The following GINM1 variants were observed in gnomAD, a reference collection of about 807,000 sequenced individuals.
GINM1 encodes the protein glycoprotein integral membrane protein 1.
Under a neutral mutation model 37.8 loss-of-function variants are expected in GINM1, and 29 were observed. The observed-to-expected ratio is 0.77, with a 90% confidence interval of 0.57 to 1.05. The LOEUF is 1.05. Among genes scored for constraint, GINM1 ranks in the 50% least tolerant of loss-of-function variants. The pLI is 0.00. For synonymous variants in GINM1, 143 were observed against 146.2 expected (o/e 0.98, Z 0.16); for missense variants, 377 against 397.9 (o/e 0.95, Z 0.45).
intron 1 of GINM1, among the ~76,000 whole-genome samples, chr6:149,567,336 A>G (rs910930264): frequency 6.6e-6 from 1 of 152,182 alleles, no homozygotes; most frequent in Non-Finnish European, 1.5e-5. Flanking sequence ...GAATATTTTA[A>G]AGAGCAAGTG....
intron 3 of GINM1, among the ~76,000 whole-genome samples, chr6:149,575,218 G>C (rs1481519075): frequency 1.3e-5 from 2 of 152,110 alleles, no homozygotes; most frequent in Non-Finnish European, 2.9e-5. Context: ...TCACACACAT[G>C]CATTGTGCCC....
chr6:149,570,148 ATATATATATATATATATAT>A (rs2115054720), intron 1 of GINM1, among the ~76,000 whole-genome samples: 1 of 14,576 alleles, frequency 6.9e-5, no homozygotes, highest in East Asian at 1.2e-3. Flanking sequence ...ATATATATAT[ATATATATATATATATATAT>A]ATATATATAT....
chr6:149,580,691 C>A lies in GINM1; in HGVS notation c.685C>A (p.Pro229Thr). 1 of 1,613,896 alleles carries A rather than the reference C, an allele frequency of 6.2e-7. No homozygotes were observed. Among genetic ancestry groups the A allele is most frequent in the Middle Eastern group, 1.6e-4 (1 of 6,062 alleles). ...DVLPGKLPET[P>T]LRAEPPSSYK... Reference sequence around the variant, plus strand: ...TTTACCTGGCAAGTTACCTGAAACTCCTCTCAGAGCAGAGCCGCCATCTTC... The same window carrying A: ...TTTACCTGGCAAGTTACCTGAAACTACTCTCAGAGCAGAGCCGCCATCTTC... The change falls in exon 6 of 8, where the codon CCT (proline) becomes ACT (threonine). Residue 229 changes from proline (P) to threonine (T), a missense_variant. Transcript: ENST00000367419.
At chr6:149,574,868 A>C (rs540222322) in intron 3 of GINM1, among the ~76,000 whole-genome samples, 1 of 152,230 alleles carries the variant, frequency 6.6e-6, no homozygotes, top group Non-Finnish European at 1.5e-5. Flanking sequence ...ACCCTGTCTC[A>C]AAAAATGAAT....
chr6:149,590,624 C>T, intron 7 of GINM1, 103 bp from the exon 8 acceptor site: 1 of 622,994 alleles, frequency 1.6e-6, no homozygotes, highest in Non-Finnish European at 2.8e-6. Context: ...AAGCACCTAA[C>T]CTTAGGTGTA....
intron 1 of GINM1, among the ~76,000 whole-genome samples, chr6:149,569,303 T>C (rs779352489): frequency 4.7e-5 from 7 of 150,006 alleles, no homozygotes; most frequent in Non-Finnish European, 8.9e-5. Flanking sequence ...TCCAAAGTGC[T>C]GGGATTACAG....
intron 1 of GINM1, among the ~76,000 whole-genome samples, chr6:149,569,865 CTT>C (rs1294458037): frequency 6.6e-6 from 1 of 151,740 alleles, no homozygotes; most frequent in South Asian, 2.1e-4. Context: ...TAGGGAGAAA[CTT>C]TTCAGTGTCC....
intron 4 of GINM1, among the ~76,000 whole-genome samples, chr6:149,579,232 A>G (rs1463576217): frequency 2.0e-5 from 3 of 152,244 alleles, no homozygotes; most frequent in Non-Finnish European, 4.4e-5. Flanking sequence ...AAGAGATTCA[A>G]TTTGGCTCAT....
At chr6:149,582,104 T>C (rs1485479527) in intron 6 of GINM1, 1 of 480,548 alleles carries the variant, frequency 2.1e-6, no homozygotes, top group Non-Finnish European at 4.3e-6. Context: ...TATAATGGAC[T>C]AGCCTAACGA....
At chr6:149,574,047 ATTTTTTTT>A (rs35023561) in intron 3 of GINM1, among the ~76,000 whole-genome samples, 1 of 129,340 alleles carries the variant, frequency 7.7e-6, no homozygotes, top group African/African-American at 3.0e-5. Flanking sequence ...TATACATAGG[ATTTTTTTT>A]TTTTTTTTTT....
At chr6:149,568,813 A>G (rs900503794) in intron 1 of GINM1, among the ~76,000 whole-genome samples, 4 of 152,116 alleles carry the variant, frequency 2.6e-5, no homozygotes, top group African/African-American at 4.8e-5. Context: ...AAGATTGCAC[A>G]TAAGATTGAA....
chr6:149,578,494 C>G (rs1472999448), intron 3 of GINM1, among the ~76,000 whole-genome samples: 1 of 143,428 alleles, frequency 7.0e-6, no homozygotes, highest in Non-Finnish European at 1.5e-5. Context: ...CCACTGCACT[C>G]CAGCCTGGGC....
At chr6:149,588,178 A>G (rs1316813737) in intron 7 of GINM1, among the ~76,000 whole-genome samples, 1 of 152,236 alleles carries the variant, frequency 6.6e-6, no homozygotes, top group Non-Finnish European at 1.5e-5. Flanking sequence ...AAGTAATTGT[A>G]TTAACTCCTT....
intron 7 of GINM1, 59 bp downstream of exon 7, chr6:149,582,662 T>C: frequency 8.4e-7 from 1 of 1,189,662 alleles, no homozygotes; most frequent in Non-Finnish European, 1.2e-6. Context: ...GTGAGACATA[T>C]TTGCTATGTT....
At chr6:149,582,379 T>A in intron 6 of GINM1, 61 bp from the exon 7 acceptor site, 1 of 1,416,942 alleles carries the variant, frequency 7.1e-7, no homozygotes, top group Non-Finnish European at 9.7e-7. Flanking sequence ...CATTAAAAAA[T>A]TTAAAGTTTA....
chr6:149,569,101 C>T (rs1248598671), intron 1 of GINM1, among the ~76,000 whole-genome samples: 2 of 152,164 alleles, frequency 1.3e-5, no homozygotes, highest in Non-Finnish European at 2.9e-5. Flanking sequence ...GATCTCGGCT[C>T]ACTGCAACTT....
At chr6:149,569,012 A>ATTTTTATTTTTTTAT (rs1350182006) in intron 1 of GINM1, among the ~76,000 whole-genome samples, 3 of 150,510 alleles carry the variant, frequency 2.0e-5, no homozygotes, top group African/African-American at 7.3e-5. Context: ...TTGTATTTTT[A>ATTTTTATTTTTTTAT]TTTTTATTTT....
At chr6:149,584,718 C>G (rs994796387) in intron 7 of GINM1, among the ~76,000 whole-genome samples, 2 of 151,808 alleles carry the variant, frequency 1.3e-5, no homozygotes, top group African/African-American at 4.8e-5. Context: ...TGAGCATCCT[C>G]AATCCAAAAT....
chr6:149,584,615 T>C (rs1013575745), intron 7 of GINM1: 3 of 152,278 alleles, frequency 2.0e-5, no homozygotes, highest in East Asian at 3.9e-4. Flanking sequence ...CTTTCTGATA[T>C]AGAAATATCC....
Sources: gnomAD v4.1 joint callset for allele counts (sites outside exome capture counted in the v4.1 genomes callset) on GRCh38, gnomAD v4.1.1 for gene constraint, MANE v1.5 for transcripts, NCBI Gene and HGNC (gene_info 2026-07-23, HGNC 2026-07-21) for gene names.